DIP2C: variants seen among roughly 807,000 people sequenced by gnomAD.
DIP2C encodes the protein disco-interacting protein 2 homolog C.
Under a neutral mutation model 192.4 loss-of-function variants are expected in DIP2C, and 33 were observed. The observed-to-expected ratio is 0.17, with a 90% CI of 0.13 to 0.23. The LOEUF (loss-of-function observed/expected upper bound fraction) is 0.23. DIP2C is among the 10% of genes least tolerant of loss of function. DIP2C has a pLI of 1.00. For missense variants in DIP2C, 1,537 were observed against 2,110.1 expected, an observed-to-expected ratio of 0.73 and a Z score of 5.32; for synonymous variants, 979 against 864.1, an observed-to-expected ratio of 1.13 and a Z score of -2.33.
chr10:353,037 A>T (rs539272529), intron 24 of DIP2C, among the ~76,000 whole-genome samples: 135 of 152,290 alleles, frequency 8.9e-4, no homozygotes, highest in African/African-American at 3.1e-3. Context: ...TGGCATCCTC[A>T]TCAACATTCA....
In DIP2C at chr10:528,352, G is replaced by A. The variant is rs78005407; in HGVS notation, c.86-41822C>T. ...AGCTCCCCCAGAAAGCAGACCGCCC[G>A]CTGCCCACCCAGAACGCAGACCGCC... On this transcript the variant is annotated intron_variant, in intron 1 of 36. Transcript: ENST00000280886. Among the ~76,000 whole-genome samples, 95 of 145,606 alleles carry A rather than the reference G, an allele frequency of 6.5e-4. 1 individual carries two copies. The highest frequency in any genetic ancestry group is 1.4e-3 in the Admixed American group (20 of 14,714).
intron 1 of DIP2C, among the ~76,000 whole-genome samples, chr10:579,802 TAGGTACACTATAATGTGTACATGCATAGC>T (rs889162699): frequency 2.0e-5 from 3 of 151,944 alleles, no homozygotes; most frequent in Admixed American, 6.5e-5. Context: ...CATATGTACA[TAGGTACACTATAATGTGTACATGCATAGC>T]ATGTACACAC....
At chr10:456,423 T>A (rs183162014) in intron 3 of DIP2C, among the ~76,000 whole-genome samples, 1 of 122,352 alleles carries the variant, frequency 8.2e-6, no homozygotes, top group Admixed American at 7.5e-5. Context: ...GAGGAGTAAA[T>A]GAGATGAAAA....
At chr10:505,077 C>G (rs1217567328) in intron 1 of DIP2C, among the ~76,000 whole-genome samples, 1 of 152,204 alleles carries the variant, frequency 6.6e-6, no homozygotes, top group Non-Finnish European at 1.5e-5. Flanking sequence ...TGTCCACACC[C>G]ATATTACTGC....
At chr10:460,846 C>T (rs894509998) in intron 3 of DIP2C, among the ~76,000 whole-genome samples, 1 of 152,202 alleles carries the variant, frequency 6.6e-6, no homozygotes, top group Non-Finnish European at 1.5e-5. Context: ...ATCAGACTAA[C>T]AGCGGATCTC....
In DIP2C at chr10:337,006, GGC is replaced by G. The variant is rs1386859734; in HGVS notation, c.3584+4191_3584+4192del. On this transcript the variant is annotated intron_variant, in intron 29 of 36. Coordinates refer to ENST00000280886, the MANE Select transcript of DIP2C (RefSeq NM_014974.3). ...TGTGTGTGTGTGTTGTGGAGGCCTA[GGC>G]AGCTGTGTGTGTGTGTGTGTGTGTT... Among the ~76,000 whole-genome samples, 35 of 101,834 alleles carry G rather than the reference GGC, an allele frequency of 3.4e-4. 1 individual carries two copies. Among genetic ancestry groups the G allele is most frequent in the East Asian group, 1.6e-3 (5 of 3,156 alleles). 66.8% of individuals were successfully genotyped at this position (101,834 alleles called of 152,430 possible). A position where few individuals can be genotyped will look rare whatever the true frequency, so the allele number is the denominator to read the frequency against.
intron 14 of DIP2C, among the ~76,000 whole-genome samples, chr10:385,465 T>C (rs753370420): frequency 1.3e-5 from 2 of 152,244 alleles, no homozygotes; most frequent in African/African-American, 4.8e-5. Flanking sequence ...CAGCCTTTCG[T>C]ATCCTCAAAG....
chr10:683,666 G>A (rs962563515), intron 1 of DIP2C, among the ~76,000 whole-genome samples: 1 of 152,142 alleles, frequency 6.6e-6, no homozygotes, highest in Admixed American at 6.5e-5. Context: ...AGGCGTCTGA[G>A]TAACGATGAG....
chr10:685,737 G>A (rs564330969), intron 1 of DIP2C, among the ~76,000 whole-genome samples: 30 of 152,150 alleles, frequency 2.0e-4, no homozygotes, highest in Non-Finnish European at 3.5e-4. Flanking sequence ...CGAGGCGGGC[G>A]GATCACCTGA....
Position 327,076 on chromosome 10 carries a change from T to C in DIP2C, c.3854A>G (p.Asp1285Gly). The C allele has an allele frequency of 6.2e-7, 1 of 1,614,074 alleles. No homozygotes were observed. The highest frequency in any genetic ancestry group is 8.5e-7 in the Non-Finnish European group (1 of 1,180,008). The change falls in exon 31 of 37, where the codon GAC (aspartate) becomes GGC (glycine). Residue 1285 changes from aspartate to glycine, a missense_variant. Around this residue, in one of 4 missense-constraint regions of DIP2C, gnomAD observed 341 missense variants for 551.7 expected, o/e 0.62. Transcript: ENST00000280886. ...LTQSFSKLFKDLGLHPRAVST... is the reference protein window; with the variant it reads ...LTQSFSKLFKGLGLHPRAVST... ...GACGGCCCGCGGGTGAAGGCCCAGG[T>C]CCTTAAACAGCTTTGAGAACGACTG...
intron 8 of DIP2C, among the ~76,000 whole-genome samples, chr10:411,651 G>T (rs926225960): frequency 3.9e-5 from 6 of 151,972 alleles, no homozygotes; most frequent in Non-Finnish European, 7.4e-5. Flanking sequence ...ATTCTCATTC[G>T]ATACCAAATT....
chr10:532,985 G>T (rs1174752399), intron 1 of DIP2C, among the ~76,000 whole-genome samples: 1 of 152,146 alleles, frequency 6.6e-6, no homozygotes, highest in African/African-American at 2.4e-5. Context: ...GTCTTTAGGT[G>T]CTGGGATTAC....
intron 1 of DIP2C, among the ~76,000 whole-genome samples, chr10:598,780 G>C (rs1287745445): frequency 1.3e-5 from 2 of 152,194 alleles, no homozygotes; most frequent in Admixed American, 1.3e-4. Context: ...GTGGTCTGAA[G>C]GCATCTGAGC....
chr10:304,450 T>C (rs1429383892), intron 32 of DIP2C, among the ~76,000 whole-genome samples: 1 of 152,164 alleles, frequency 6.6e-6, no homozygotes, highest in African/African-American at 2.4e-5. Context: ...GCTCTCAGTC[T>C]GCTAAGACCA....
chr10:625,274 G>A (rs567988338), intron 1 of DIP2C, among the ~76,000 whole-genome samples: 1 of 152,302 alleles, frequency 6.6e-6, no homozygotes, highest in South Asian at 2.1e-4. Context: ...TCAGGGCAAC[G>A]TGAAGTCCCA....
intron 1 of DIP2C, among the ~76,000 whole-genome samples, chr10:508,677 G>A (rs1460130049): frequency 6.6e-6 from 1 of 152,124 alleles, no homozygotes; most frequent in African/African-American, 2.4e-5. Flanking sequence ...CTGGCCCCAC[G>A]TATTTTGGTC....
intron 1 of DIP2C, among the ~76,000 whole-genome samples, chr10:560,025 C>T (rs1378637973): frequency 6.7e-6 from 1 of 149,058 alleles, no homozygotes; most frequent in Non-Finnish European, 1.5e-5. Flanking sequence ...CTCCCCACCC[C>T]CTCCGGTTCT....
At chr10:674,834 A>G (rs1830819101) in intron 1 of DIP2C, among the ~76,000 whole-genome samples, 1 of 147,650 alleles carries the variant, frequency 6.8e-6, no homozygotes, top group African/African-American at 2.5e-5. Context: ...AGAGAGACCA[A>G]CACAACAATA....
intron 1 of DIP2C, among the ~76,000 whole-genome samples, chr10:503,594 G>T (rs1317444507): frequency 6.6e-6 from 1 of 152,222 alleles, no homozygotes; most frequent in East Asian, 1.9e-4. Flanking sequence ...AGTCGTCACT[G>T]ACAGACCCAA....
Sources: gnomAD v4.1 joint callset for allele counts (sites outside exome capture counted in the v4.1 genomes callset) on GRCh38, gnomAD v4.1.1 for gene constraint, gnomAD v4.1.1 regional missense constraint, MANE v1.5 for transcripts, NCBI Gene and HGNC (gene_info 2026-07-23, HGNC 2026-07-21) for gene names.